Variants in REDIC1 observed in about 807,000 individuals in gnomAD.
REDIC1 encodes HEI10 Interacting Protein 1.
chr12:39,665,254 G>A, the REDIC1 span, among the ~76,000 whole-genome samples: 1 of 152,114 alleles, frequency 6.6e-6, no homozygotes, highest in Non-Finnish European at 1.5e-5. Flanking sequence ...TTTGTATAAG[G>A]TGTAAGGAAG....
At chr12:39,749,326 T>A in the REDIC1 span, among the ~76,000 whole-genome samples, 2 of 152,000 alleles carry the variant, frequency 1.3e-5, no homozygotes, top group Non-Finnish European at 2.9e-5. Flanking sequence ...CTAGAAGAAA[T>A]GGATAAATTC....
At chr12:39,801,096 T>C in the REDIC1 span, among the ~76,000 whole-genome samples, 1 of 44,542 alleles carries the variant, frequency 2.2e-5, no homozygotes, top group African/African-American at 9.4e-5. Context: ...GGGACTGTGG[T>C]GGGGTCAGGG....
the REDIC1 span, among the ~76,000 whole-genome samples, chr12:39,832,232 G>GTC: frequency 6.6e-6 from 1 of 152,052 alleles, no homozygotes; most frequent in Non-Finnish European, 1.5e-5. Context: ...AACCAGACTA[G>GTC]GCTAATTTGG....
the REDIC1 span, among the ~76,000 whole-genome samples, chr12:39,840,135 G>A: frequency 2.6e-5 from 4 of 151,882 alleles, no homozygotes; most frequent in African/African-American, 4.8e-5. Context: ...GGGTTTAAGC[G>A]ATTTTCCTGC....
At chr12:39,682,995 T>C in the REDIC1 span, 6 of 1,613,258 alleles carry the variant, frequency 3.7e-6, no homozygotes, top group African/African-American at 5.3e-5. Context: ...AGTTGACTTT[T>C]AGTAATTCGA....
the REDIC1 span, among the ~76,000 whole-genome samples, chr12:39,752,257 C>T: frequency 6.6e-6 from 1 of 152,106 alleles, no homozygotes; most frequent in Non-Finnish European, 1.5e-5. Flanking sequence ...TGAGCATTAC[C>T]AGCTGAACTC....
the REDIC1 span, among the ~76,000 whole-genome samples, chr12:39,681,838 C>A: frequency 6.6e-6 from 1 of 152,026 alleles, no homozygotes; most frequent in African/African-American, 2.4e-5. Flanking sequence ...AGAGTTTTAG[C>A]AATCTGTGGT....
chr12:39,808,271 C>T, the REDIC1 span, among the ~76,000 whole-genome samples: 2 of 152,140 alleles, frequency 1.3e-5, no homozygotes, highest in African/African-American at 4.8e-5. Context: ...GGTTACTGGA[C>T]ATATCAGTAA....
chr12:39,638,968 G>A, the REDIC1 span, among the ~76,000 whole-genome samples: 3 of 151,908 alleles, frequency 2.0e-5, no homozygotes, highest in Non-Finnish European at 4.4e-5. Context: ...TAATTTTACT[G>A]AGCTCTATAA....
At chr12:39,784,684 A>G in the REDIC1 span, among the ~76,000 whole-genome samples, 2 of 152,250 alleles carry the variant, frequency 1.3e-5, no homozygotes, top group Non-Finnish European at 2.9e-5. Context: ...TCATGACTAA[A>G]ACACCAAAAG....
At chr12:39,747,613 G>A in the REDIC1 span, among the ~76,000 whole-genome samples, 17 of 152,108 alleles carry the variant, frequency 1.1e-4, no homozygotes, top group Admixed American at 1.0e-3. Flanking sequence ...GCAACTCCAA[G>A]ACACATAATT....
At chr12:39,716,484 A>G in the REDIC1 span, among the ~76,000 whole-genome samples, 1 of 152,018 alleles carries the variant, frequency 6.6e-6, no homozygotes, top group East Asian at 1.9e-4. Context: ...GGAAAAATCA[A>G]TCCAACTTTC....
chr12:39,724,907 A>G, the REDIC1 span, among the ~76,000 whole-genome samples: 322 of 152,238 alleles, frequency 2.1e-3, 1 homozygote, highest in Admixed American at 5.4e-3. Flanking sequence ...TAATTGAAGT[A>G]TCAACAGTAT....
chr12:39,703,595 C>T, the REDIC1 span, among the ~76,000 whole-genome samples: 1 of 151,980 alleles, frequency 6.6e-6, no homozygotes, highest in East Asian at 1.9e-4. Flanking sequence ...AGTTCATATG[C>T]AACCAAAAAA....
the REDIC1 span, among the ~76,000 whole-genome samples, chr12:39,896,386 A>T: frequency 1.5e-5 from 2 of 130,742 alleles, no homozygotes; most frequent in Admixed American, 1.5e-4. Context: ...ATATGTATGT[A>T]TATGTGTATA....
chr12:39,639,203 A>G, the REDIC1 span, among the ~76,000 whole-genome samples: 1 of 151,562 alleles, frequency 6.6e-6, no homozygotes, highest in Non-Finnish European at 1.5e-5. Flanking sequence ...ATTTTTTTTC[A>G]TTTTTCTTTG....
At chr12:39,777,149 T>C in the REDIC1 span, among the ~76,000 whole-genome samples, 1 of 152,230 alleles carries the variant, frequency 6.6e-6, no homozygotes, top group Non-Finnish European at 1.5e-5. Flanking sequence ...ATTGTACTTA[T>C]GGTTCACTTT....
the REDIC1 span, among the ~76,000 whole-genome samples, chr12:39,887,285 C>T: frequency 6.6e-6 from 1 of 152,060 alleles, no homozygotes; most frequent in South Asian, 2.1e-4. Context: ...AGTTAGACAC[C>T]TCCAGAGATG....
At chr12:39,847,620 G>A in the REDIC1 span, among the ~76,000 whole-genome samples, 4 of 151,962 alleles carry the variant, frequency 2.6e-5, no homozygotes, top group Non-Finnish European at 5.9e-5. Context: ...ACAGTAAAAG[G>A]ATAGGAGCCT....
Sources: gnomAD v4.1 joint callset for allele counts (sites outside exome capture counted in the v4.1 genomes callset) on GRCh38, gnomAD v4.1.1 for gene constraint, MANE v1.5 for transcripts, NCBI Gene and HGNC (gene_info 2026-07-23, HGNC 2026-07-21) for gene names.